RBM26: variants seen among roughly 807,000 people sequenced by gnomAD.
RBM26 encodes RNA-binding protein 26.
A neutral mutation model predicts 123.6 loss-of-function variants in RBM26; 30 were observed. The observed-to-expected ratio is 0.24, with a 90% CI of 0.18 to 0.33. RBM26 has a LOEUF of 0.33. RBM26 is among the 10% of genes least tolerant of loss of function. The pLI, the probability that RBM26 is intolerant of heterozygous loss-of-function variation, is 1.00. For synonymous variants in RBM26, 400 were observed against 404.4 expected, an observed-to-expected ratio of 0.99 and a Z score of 0.13; for missense variants, 947 against 1,203.6, an observed-to-expected ratio of 0.79 and a Z score of 3.15.
At chr13:79,323,651 AAG>A (rs2067982513) in intron 20 of RBM26, among the ~76,000 whole-genome samples, 2 of 151,674 alleles carry the variant, frequency 1.3e-5, no homozygotes, top group East Asian at 1.9e-4. Context: ...TAAAAAGCAA[AAG>A]AGTTACTGAC....
At chr13:79,366,370 G>T (rs1038607896) in intron 7 of RBM26, 175 bp from the exon 8 acceptor site, 9 of 435,656 alleles carry the variant, frequency 2.1e-5, no homozygotes, top group Non-Finnish European at 2.7e-5. Context: ...TCCAAAGCAG[G>T]TTTGCCTTAA....
At chr13:79,326,144 C>A (rs1016438561) in intron 20 of RBM26, among the ~76,000 whole-genome samples, 1 of 152,150 alleles carries the variant, frequency 6.6e-6, no homozygotes, top group African/African-American at 2.4e-5. Context: ...CAGGTCATAT[C>A]CCTCTTAAGT....
chr13:79,316,185 T>C (rs1479001939), downstream of RBM26, among the ~76,000 whole-genome samples: 1 of 97,540 alleles, frequency 1.0e-5, no homozygotes, highest in Non-Finnish European at 2.2e-5. Context: ...CTTTTGTAAG[T>C]GGGGCAGGTG....
At chr13:79,393,286 C>A (rs1222239411) in intron 1 of RBM26, among the ~76,000 whole-genome samples, 2 of 152,160 alleles carry the variant, frequency 1.3e-5, no homozygotes, top group Non-Finnish European at 2.9e-5. Flanking sequence ...ACAAAGATCT[C>A]CCCAGCAATT....
intron 18 of RBM26, among the ~76,000 whole-genome samples, chr13:79,340,285 G>T (rs1422348903): frequency 6.6e-6 from 1 of 151,928 alleles, no homozygotes; most frequent in East Asian, 1.9e-4. Context: ...TTTCAGAGAA[G>T]ACAGAGCTTT....
intron 1 of RBM26, among the ~76,000 whole-genome samples, chr13:79,390,033 T>C (rs1489142650): frequency 6.6e-6 from 1 of 152,140 alleles, no homozygotes; most frequent in Non-Finnish European, 1.5e-5. Flanking sequence ...TATTCATCAA[T>C]AGGTGGCACA....
At chr13:79,359,265 G>C (rs1258110830) in intron 10 of RBM26, among the ~76,000 whole-genome samples, 1 of 152,124 alleles carries the variant, frequency 6.6e-6, no homozygotes, top group South Asian at 2.1e-4. Context: ...CTCTAATGAT[G>C]AGAGGCTCAT....
chr13:79,323,780 ACTT>A (rs2067997194), intron 20 of RBM26, among the ~76,000 whole-genome samples: 1 of 151,756 alleles, frequency 6.6e-6, no homozygotes, highest in East Asian at 1.9e-4. Context: ...TAAAGTTTCA[ACTT>A]TAATTACAAA....
intron 18 of RBM26, among the ~76,000 whole-genome samples, chr13:79,339,405 T>C (rs938817386): frequency 2.6e-5 from 4 of 151,908 alleles, no homozygotes; most frequent in African/African-American, 9.7e-5. Flanking sequence ...GCTGAGAGAG[T>C]AGAGTTTAAA....
At chr13:79,384,244 GTTTTTT>G (rs5805028) in intron 1 of RBM26, among the ~76,000 whole-genome samples, 2 of 133,954 alleles carry the variant, frequency 1.5e-5, no homozygotes, top group Non-Finnish European at 3.3e-5. Flanking sequence ...AGCTAATAAA[GTTTTTT>G]TTTTTTTTTT....
Position 79,355,227 on chromosome 13 carries a change from G to C in RBM26, c.1847C>G (p.Ser616Cys). 1 of 1,613,522 alleles carries C rather than the reference G, an allele frequency of 6.2e-7. No individual in the cohort carries two copies. Among genetic ancestry groups the C allele is most frequent in the African/African-American group, 1.3e-5 (1 of 75,028 alleles). ...EGSTQQLQTTSPKVMQPLVQQ... is the reference protein window; with the variant it reads ...EGSTQQLQTTCPKVMQPLVQQ... Reference sequence around the variant, plus strand: ...CACAAATTCCTCTCTTACCTTTGGAGAAGTAGTTTGTAACTGTTGGGTGCT... The same window carrying C: ...CACAAATTCCTCTCTTACCTTTGGACAAGTAGTTTGTAACTGTTGGGTGCT... Residue 616 changes from serine (S) to cysteine (C), a missense_variant, in exon 12 of 22, where the codon TCT becomes TGT. Physicochemically the swap from Ser to Cys is moderately radical, Grantham distance 112. Around this residue, in one of 5 missense-constraint regions of RBM26, gnomAD observed 493 missense variants for 563.1 expected, o/e 0.88. Coordinates refer to ENST00000438737, the MANE Select transcript of RBM26 (RefSeq NM_001366735.2).
intron 1 of RBM26, among the ~76,000 whole-genome samples, chr13:79,380,869 C>T (rs1411198693): frequency 6.6e-6 from 1 of 152,054 alleles, no homozygotes; most frequent in African/African-American, 2.4e-5. Flanking sequence ...TGGTAACATA[C>T]AGCATTAATC....
chr13:79,370,899 A>T (rs1361949122), intron 5 of RBM26, 46 bp downstream of exon 5: 8 of 1,559,952 alleles, frequency 5.1e-6, no homozygotes, highest in Non-Finnish European at 7.0e-6. Context: ...AAAAACATTT[A>T]AACATGGAGT....
intron 20 of RBM26, among the ~76,000 whole-genome samples, chr13:79,331,078 T>A (rs552819460): frequency 1.3e-5 from 2 of 152,194 alleles, no homozygotes; most frequent in Non-Finnish European, 2.9e-5. Flanking sequence ...TGGCATGATC[T>A]CAGCTCGCTG....
At chr13:79,355,432 G>T in intron 11 of RBM26, 48 bp from the exon 12 acceptor site, 1 of 1,472,462 alleles carries the variant, frequency 6.8e-7, no homozygotes, top group Non-Finnish European at 9.4e-7. Flanking sequence ...GGAATCTGTT[G>T]CTTCATAGAG....
intron 20 of RBM26, among the ~76,000 whole-genome samples, chr13:79,328,040 A>G (rs1270763058): frequency 3.3e-5 from 5 of 152,188 alleles, no homozygotes; most frequent in Non-Finnish European, 7.4e-5. Flanking sequence ...CTTGAAAGAC[A>G]ATGAGGTTTT....
At chr13:79,323,438 A>G (rs1330241990) in intron 20 of RBM26, among the ~76,000 whole-genome samples, 6 of 151,674 alleles carry the variant, frequency 4.0e-5, no homozygotes, top group African/African-American at 1.4e-4. Flanking sequence ...AATGCTGCTC[A>G]GAGAATTTTT....
intron 18 of RBM26, among the ~76,000 whole-genome samples, chr13:79,340,654 G>T (rs182415661): frequency 2.9e-4 from 44 of 151,922 alleles, no homozygotes; most frequent in Admixed American, 2.7e-3. Context: ...CAAGAAAGAA[G>T]TTTATTTCTC....
At position 79,319,893 on chromosome 13, in the gene RBM26, T is replaced by TTTTTC. The variant is rs749856985; in HGVS notation, c.*723_*727dup. On this transcript the variant is annotated 3_prime_UTR_variant, in exon 22 of 22. Transcript: ENST00000438737. ...CCATCTGGAATGGTCTATTTTAATT[T>TTTTTC]TTTTCTTTTCTTTTTTCTTTTCTTT... 26 of 968,694 alleles carry TTTTTC rather than the reference T, an allele frequency of 2.7e-5. No individual in the cohort carries two copies. The highest frequency in any genetic ancestry group is 3.1e-5 in the Non-Finnish European group (25 of 816,172). 60.0% of individuals were successfully genotyped at this position (968,694 alleles called of 1,614,324 possible).
Sources: allele counts gnomAD v4.1 joint callset (sites outside exome capture counted in the v4.1 genomes callset), GRCh38; gene constraint gnomAD v4.1.1; regional missense constraint gnomAD v4.1.1; transcripts MANE v1.5; gene names NCBI Gene and HGNC (gene_info 2026-07-23, HGNC 2026-07-21).